MYO18A: variants seen among roughly 807,000 people sequenced by gnomAD.
The protein encoded by MYO18A is myosin XVIIIA, also known as unconventional myosin-XVIIIa.
Under a neutral mutation model 235.8 loss-of-function variants are expected in MYO18A, and 78 were observed. The ratio of observed to expected loss-of-function variants is 0.33; its 90% CI spans 0.28 to 0.40. MYO18A has a LOEUF of 0.40. Among genes scored for constraint, MYO18A ranks in the 10% least tolerant of loss-of-function variants. MYO18A has a pLI of 1.00. For missense variants in MYO18A, 2,215 were observed against 2,699.3 expected, an observed-to-expected ratio of 0.82 and a Z score of 3.98; for synonymous variants, 977 against 1,077.8, an observed-to-expected ratio of 0.91 and a Z score of 1.83.
At chr17:29,081,125 G>T in intron 41 of MYO18A, 1 of 530,224 alleles carries the variant, frequency 1.9e-6, no homozygotes, top group Non-Finnish European at 2.4e-6. Flanking sequence ...CACAGGGGGA[G>T]GGAGGCGAAA....
intron 18 of MYO18A, 139 bp downstream of exon 18, chr17:29,110,297 C>G (rs1253456715): frequency 7.9e-7 from 1 of 1,271,482 alleles, no homozygotes; most frequent in East Asian, 2.5e-5. Context: ...AAAGAAGACC[C>G]CCACCTGCAG....
chr17:29,079,649 C>T (rs879932757), intron 41 of MYO18A: 5 of 930,426 alleles, frequency 5.4e-6, no homozygotes, highest in Non-Finnish European at 6.4e-6. Context: ...CCTAAGGTGG[C>T]GGCCTGAGGG....
In MYO18A at chr17:29,169,063, G is replaced by A. The variant is rs576674331; in HGVS notation, c.-81-2042C>T. Among the ~76,000 whole-genome samples the A allele has an allele frequency of 4.1e-4, 63 of 152,044 alleles. 1 individual carries two copies. The South Asian group carries it at 4.4e-3, about 11-fold the overall frequency. ...CACACGCCTGTAATCCCAGCTATTC[G>A]GGTGGCTGAGGCATGAGAATCACTT... On this transcript the variant is annotated intron_variant, in intron 1 of 41. Transcript: ENST00000527372.
intron 2 of MYO18A, among the ~76,000 whole-genome samples, chr17:29,124,047 CA>C (rs10716167): frequency 0.51 from 71,855 of 141,284 alleles, 17,601 homozygotes; most frequent in East Asian, 0.83. Context: ...GACTCCATCT[CA>C]AAAAAAAAAA....
At chr17:29,168,924 C>T (rs2068338605) in intron 1 of MYO18A, among the ~76,000 whole-genome samples, 1 of 152,202 alleles carries the variant, frequency 6.6e-6, no homozygotes, top group Non-Finnish European at 1.5e-5. Flanking sequence ...AATCCCAGCA[C>T]TTCGGGAGGC....
At chr17:29,099,007 C>CA in intron 22 of MYO18A, 38 bp from the exon 23 acceptor site, 2 of 1,609,446 alleles carry the variant, frequency 1.2e-6, no homozygotes, top group Non-Finnish European at 1.7e-6. Flanking sequence ...GCGGGGCTCT[C>CA]AGTCACCCTG....
In MYO18A at chr17:29,096,792, G is replaced by C; in HGVS notation, c.4354C>G (p.Arg1452Gly). Reference protein sequence around the residue: ...TKLHLEGQQVRNHELEKKQRR... With the variant: ...TKLHLEGQQVGNHELEKKQRR... ...TGCTTCTTCTCCAGTTCGTGGTTGC[G>C]GACCTGCTGGCCCTCCAGGTGCAGC... is the stretch of plus-strand genomic sequence containing the variant. The change falls in exon 28 of 42, where the codon CGC becomes GGC. Residue 1452 changes from arginine (R) to glycine (G), a missense_variant. Coordinates refer to ENST00000527372, the MANE Select transcript of MYO18A (RefSeq NM_078471.4). 6.2e-7 allele frequency: 1 copy of C among 1,606,154 alleles called. No individual in the cohort carries two copies. The highest frequency in any genetic ancestry group is 8.5e-7 in the Non-Finnish European group (1 of 1,176,474).
In MYO18A at chr17:29,110,014, G is replaced by A. The variant is rs200969774; in HGVS notation, c.3175C>T (p.Arg1059Cys). 5.5e-4 allele frequency: 881 copies of A among 1,612,832 alleles called. 3 individuals carry two copies. Among genetic ancestry groups the A allele is most frequent in the Middle Eastern group, 1.3e-3 (8 of 6,000 alleles). The change falls in exon 19 of 42, where the codon CGT (arginine) becomes TGT (cysteine). Residue 1059 changes from arginine (R) to cysteine (C), a missense_variant. Physicochemically the swap from Arg to Cys is radical, Grantham distance 180. Transcript: ENST00000527372. ...CTGACTCGGCGGGAGGAGGCGGAACGGGGCTCCCCAGCCCAGCCCTCAGCT... is the reference window on the plus strand; with the variant it reads ...CTGACTCGGCGGGAGGAGGCGGAACAGGGCTCCCCAGCCCAGCCCTCAGCT... ...PVAEGWAGEP[R>C]SASSRRVSSS...
At chr17:29,114,701 T>A (rs1389727746) in intron 14 of MYO18A, among the ~76,000 whole-genome samples, 1 of 152,180 alleles carries the variant, frequency 6.6e-6, no homozygotes, top group African/African-American at 2.4e-5. Context: ...ACCTGTAGGC[T>A]TCCTGGAGAG....
rs765505227 is a variant in MYO18A, at chr17:29,096,806, T to C, written c.4340A>G (p.Glu1447Gly). The change falls in exon 28 of 42, where the codon GAG becomes GGG. Residue 1447 changes from glutamate (E) to glycine (G), a missense_variant. Coordinates refer to ENST00000527372, the MANE Select transcript of MYO18A (RefSeq NM_078471.4). ...AELQDTKLHLEGQQVRNHELE... is the reference protein window; with the variant it reads ...AELQDTKLHLGGQQVRNHELE... Reference sequence around the variant, plus strand: ...TTCGTGGTTGCGGACCTGCTGGCCCTCCAGGTGCAGCTTGGTGTCTTGCAG... The same window carrying C: ...TTCGTGGTTGCGGACCTGCTGGCCCCCCAGGTGCAGCTTGGTGTCTTGCAG... 6.2e-7 allele frequency: 1 copy of C among 1,605,658 alleles called. No homozygotes were observed. Among genetic ancestry groups the C allele is most frequent in the South Asian group, 1.1e-5 (1 of 88,942 alleles).
chr17:29,099,589 G>C, intron 22 of MYO18A, 45 bp downstream of exon 22: 1 of 1,593,198 alleles, frequency 6.3e-7, no homozygotes, highest in African/African-American at 1.3e-5. Context: ...ACTTGGCTGT[G>C]CCCATCTAGG....
intron 21 of MYO18A, among the ~76,000 whole-genome samples, chr17:29,103,008 T>A (rs1341580931): frequency 6.6e-6 from 1 of 152,184 alleles, no homozygotes; most frequent in African/African-American, 2.4e-5. Flanking sequence ...GCTTCCTGCC[T>A]GTGGGAGGAA....
intron 22 of MYO18A, among the ~76,000 whole-genome samples, chr17:29,099,393 G>A (rs12603862): frequency 0.42 from 63,686 of 151,944 alleles, 14,633 homozygotes; most frequent in East Asian, 0.84. Context: ...CCTATGATCC[G>A]GAGCCCACCT....
chr17:29,114,774 C>A, intron 14 of MYO18A, 133 bp downstream of exon 14: 1 of 965,914 alleles, frequency 1.0e-6, no homozygotes, highest in Non-Finnish European at 1.5e-6. Context: ...GGGCAAGGAA[C>A]GACTCCTGCT....
intron 22 of MYO18A, 151 bp downstream of exon 22, chr17:29,099,483 T>C: frequency 9.3e-7 from 1 of 1,073,834 alleles, no homozygotes; most frequent in African/African-American, 1.6e-5. Flanking sequence ...GCACACTTGC[T>C]GGCACCAGGG....
Position 29,099,725 on chromosome 17 carries a change from T to C in MYO18A, c.3545A>G (p.Glu1182Gly). The C allele has an allele frequency of 1.2e-6, 2 of 1,613,384 alleles. No homozygotes were observed. The highest frequency in any genetic ancestry group is 1.7e-6 in the Non-Finnish European group (2 of 1,179,844). Residue 1182 changes from glutamate (E) to glycine (G), a missense_variant, in exon 22 of 42, where the codon GAG (glutamate) becomes GGG (glycine). Transcript: ENST00000527372. ...CCTGCTGGTTTGTTCATCCCGCTGC[T>C]CCTCCAGCCGTGCCAAGGTGCCCGC... ...FRAGTLARLE[E>G]QRDEQTSRNL...
chr17:29,161,795 T>A (rs2068179987), intron 2 of MYO18A, among the ~76,000 whole-genome samples: 1 of 152,204 alleles, frequency 6.6e-6, no homozygotes, highest in Admixed American at 6.5e-5. Flanking sequence ...GGGCCTTGAC[T>A]TTCCCATCCG....
chr17:29,122,077 A>C (rs1314013485), intron 3 of MYO18A, 89 bp downstream of exon 3: 1 of 1,515,968 alleles, frequency 6.6e-7, no homozygotes, highest in Non-Finnish European at 9.1e-7. Flanking sequence ...CTCACTGCTC[A>C]GCCCTCACCA....
intron 1 of MYO18A, among the ~76,000 whole-genome samples, chr17:29,174,671 C>T (rs183520520): frequency 2.6e-5 from 4 of 151,940 alleles, no homozygotes; most frequent in African/African-American, 7.2e-5. Flanking sequence ...AAAACTTTGC[C>T]GGCGTAGTGG....
Sources: gnomAD v4.1 joint callset for allele counts (sites outside exome capture counted in the v4.1 genomes callset) on GRCh38, gnomAD v4.1.1 for gene constraint, MANE v1.5 for transcripts, NCBI Gene and HGNC (gene_info 2026-07-23, HGNC 2026-07-21) for gene names.